Variants in SERGEF observed in about 807,000 individuals in gnomAD.
SERGEF encodes secretion regulating guanine nucleotide exchange factor.
In SERGEF, 51 loss-of-function variants were observed where a neutral mutation model predicts 50.0. The observed-to-expected ratio is 1.02, with a 90% CI of 0.81 to 1.29. The LOEUF (loss-of-function observed/expected upper bound fraction) is 1.29, where lower values mean the gene tolerates loss of function less well. SERGEF is among the 50% of genes most tolerant of loss of function. The probability of loss-of-function intolerance (pLI) is 0.00; values close to 1 mark genes in which losing one functional copy is unlikely to be tolerated. For missense variants in SERGEF, 521 were observed against 557.0 expected (o/e 0.94, Z 0.65); for synonymous variants, 205 against 212.4 (o/e 0.97, Z 0.30).
chr11:17,997,768 G>A (rs966421943), intron 5 of SERGEF, among the ~76,000 whole-genome samples: 10 of 152,120 alleles, frequency 6.6e-5, no homozygotes, highest in South Asian at 2.1e-4. Context: ...TGAAATATAC[G>A]CCAGTCACAA....
At chr11:17,928,262 G>C (rs1852287289) in intron 9 of SERGEF, among the ~76,000 whole-genome samples, 1 of 152,216 alleles carries the variant, frequency 6.6e-6, no homozygotes, top group South Asian at 2.1e-4. Context: ...CAGAACTTCA[G>C]TCTCAGTTGG....
chr11:17,852,536 A>G (rs1426991466), intron 10 of SERGEF, among the ~76,000 whole-genome samples: 1 of 152,158 alleles, frequency 6.6e-6, no homozygotes, highest in African/African-American at 2.4e-5. Flanking sequence ...AGGTGGAATT[A>G]TTTATGTAAG....
chr11:17,804,324 T>C (rs1359575691), intron 10 of SERGEF, among the ~76,000 whole-genome samples: 3 of 152,200 alleles, frequency 2.0e-5, no homozygotes, highest in African/African-American at 7.2e-5. Context: ...ACTGAAGTTA[T>C]TCTGACTGGA....
At chr11:17,835,227 T>C (rs1850378821) in intron 10 of SERGEF, among the ~76,000 whole-genome samples, 1 of 152,198 alleles carries the variant, frequency 6.6e-6, no homozygotes, top group Non-Finnish European at 1.5e-5. Context: ...GTGCACACTG[T>C]TCATTAAGGC....
intron 10 of SERGEF, among the ~76,000 whole-genome samples, chr11:17,866,486 T>C (rs1199922538): frequency 1.3e-5 from 2 of 152,186 alleles, no homozygotes; most frequent in African/African-American, 2.4e-5. Context: ...AATCATCTAA[T>C]GACACATTTC....
intron 10 of SERGEF, among the ~76,000 whole-genome samples, chr11:17,807,490 T>G (rs942733393): frequency 2.0e-5 from 3 of 152,246 alleles, no homozygotes; most frequent in Non-Finnish European, 4.4e-5. Context: ...GCCCTGGCTG[T>G]CTGCACTGTG....
In SERGEF at chr11:18,000,756, T is replaced by C. The variant is rs373800688; in HGVS notation, c.448-199A>G. On this transcript the variant is annotated intron_variant, in intron 4 of 10. Transcript: ENST00000265965. ...AAAAAATATATCTTTTAAAATACCA[T>C]ATCACAATACCATATGACAACAACT... The C allele has an allele frequency of 4.9e-4, 335 of 684,706 alleles. No homozygotes were observed. The African/African-American group carries it at 5.2e-3, about 11-fold the overall frequency. 42.4% of individuals were successfully genotyped at this position (684,706 alleles called of 1,614,324 possible). A position where few individuals can be genotyped will look rare whatever the true frequency, so the allele number is the denominator to read the frequency against.
In SERGEF at chr11:17,859,535, A is replaced by G. The variant is rs567943067; in HGVS notation, c.1048+18673T>C. 2.0e-5 allele frequency among the ~76,000 whole-genome samples: 3 copies of G among 152,334 alleles called. No individual in the cohort carries two copies. In the South Asian group the frequency reaches 6.2e-4, roughly 32 times the overall value. On this transcript the variant is annotated intron_variant, in intron 10 of 10. Transcript: ENST00000265965. Reference sequence around the variant, plus strand: ...AGGAAAAAATTGTAAAACAATTTCAAGAAAGATTTCCCAGAACTGGCAGGC... The same window carrying G: ...AGGAAAAAATTGTAAAACAATTTCAGGAAAGATTTCCCAGAACTGGCAGGC...
intron 8 of SERGEF, among the ~76,000 whole-genome samples, chr11:17,975,392 A>G (rs939774381): frequency 6.6e-6 from 1 of 152,014 alleles, no homozygotes; most frequent in Non-Finnish European, 1.5e-5. Context: ...AGAGAGGTAT[A>G]AGGAGAAGCC....
intron 1 of SERGEF, among the ~76,000 whole-genome samples, chr11:18,011,137 TACACACAC>T (rs57370560): frequency 1.5e-4 from 22 of 147,636 alleles, no homozygotes; most frequent in Admixed American, 2.7e-4. Flanking sequence ...CATGCACACA[TACACACAC>T]ACACACACAC....
At chr11:17,872,874 G>A (rs1316187908) in intron 10 of SERGEF, among the ~76,000 whole-genome samples, 1 of 152,074 alleles carries the variant, frequency 6.6e-6, no homozygotes, top group Non-Finnish European at 1.5e-5. Context: ...AGAAAAATCA[G>A]GCACTGAGAA....
intron 9 of SERGEF, among the ~76,000 whole-genome samples, chr11:17,949,322 C>T (rs544560257): frequency 1.5e-4 from 23 of 152,022 alleles, no homozygotes; most frequent in Non-Finnish European, 3.2e-4. Context: ...ATAAAGTACC[C>T]AATGGAGCCT....
chr11:17,871,682 C>CTCCACAT (rs1207844918), intron 10 of SERGEF, among the ~76,000 whole-genome samples: 6 of 151,982 alleles, frequency 3.9e-5, no homozygotes, highest in African/African-American at 1.5e-4. Context: ...GGCCTATAAG[C>CTCCACAT]ATGTAAAAAG....
intron 4 of SERGEF, among the ~76,000 whole-genome samples, chr11:18,001,375 G>A (rs954091807): frequency 1.3e-5 from 2 of 152,116 alleles, no homozygotes; most frequent in South Asian, 4.1e-4. Flanking sequence ...CAGAGTCTAG[G>A]CGAAAAAAGG....
intron 9 of SERGEF, among the ~76,000 whole-genome samples, chr11:17,956,181 C>G (rs570652030): frequency 6.6e-6 from 1 of 152,156 alleles, no homozygotes; most frequent in Non-Finnish European, 1.5e-5. Context: ...AAGTGTTTCT[C>G]AGGCTAGAGA....
intron 10 of SERGEF, among the ~76,000 whole-genome samples, chr11:17,800,244 T>C (rs1238354903): frequency 2.0e-5 from 3 of 152,318 alleles, no homozygotes; most frequent in East Asian, 1.9e-4. Flanking sequence ...TAATACTTCC[T>C]GCCTCTACTT....
At chr11:17,974,234 A>G (rs1465289678) in intron 8 of SERGEF, among the ~76,000 whole-genome samples, 1 of 152,186 alleles carries the variant, frequency 6.6e-6, no homozygotes, top group Non-Finnish European at 1.5e-5. Flanking sequence ...ACCCTCTACT[A>G]GCAGCTCAAC....
intron 9 of SERGEF, among the ~76,000 whole-genome samples, chr11:17,922,661 G>C (rs1565205654): frequency 6.6e-6 from 1 of 152,100 alleles, no homozygotes; most frequent in Non-Finnish European, 1.5e-5. Flanking sequence ...GAACACTGAG[G>C]AGAAGCTCTG....
At chr11:18,008,317 C>T (rs1854125848) in intron 1 of SERGEF, among the ~76,000 whole-genome samples, 1 of 152,212 alleles carries the variant, frequency 6.6e-6, no homozygotes, top group Non-Finnish European at 1.5e-5. Flanking sequence ...TGTCTCCCCA[C>T]CCCTGATCTG....
Sources: allele counts gnomAD v4.1 joint callset (sites outside exome capture counted in the v4.1 genomes callset), GRCh38; gene constraint gnomAD v4.1.1; transcripts MANE v1.5; gene names NCBI Gene and HGNC (gene_info 2026-07-23, HGNC 2026-07-21).